Variants in SRGAP3 observed in about 807,000 individuals in gnomAD.
The protein encoded by SRGAP3 is SLIT-ROBO Rho GTPase activating protein 3.
In SRGAP3, 39 loss-of-function variants were observed where a neutral mutation model predicts 121.1. The ratio of observed to expected loss-of-function variants is 0.32; its 90% CI spans 0.25 to 0.42. SRGAP3 has a LOEUF of 0.42. Ranked by LOEUF, SRGAP3 falls within the 10% of genes least tolerant of loss-of-function variation. SRGAP3 has a pLI of 1.00. For missense variants in SRGAP3, 1,213 were observed against 1,470.6 expected (o/e 0.82, Z 2.86); for synonymous variants, 601 against 570.0 (o/e 1.05, Z -0.77).
chr3:9,229,704 TTCTA>T (rs1250207613), intron 1 of SRGAP3, among the ~76,000 whole-genome samples: 1 of 152,202 alleles, frequency 6.6e-6, no homozygotes, highest in African/African-American at 2.4e-5. Context: ...CCATTCATAT[TTCTA>T]TCTATTTATA....
At chr3:9,060,396 T>C in intron 5 of SRGAP3, 37 bp from the exon 6 acceptor site, 2 of 1,607,926 alleles carry the variant, frequency 1.2e-6, no homozygotes, top group Non-Finnish European at 1.7e-6. Flanking sequence ...GAGCAAGCCA[T>C]TTAAGAGGAC....
chr3:8,998,119 A>T (rs949015025), intron 18 of SRGAP3, among the ~76,000 whole-genome samples: 6 of 151,992 alleles, frequency 3.9e-5, no homozygotes, highest in African/African-American at 1.5e-4. Context: ...GAACTTCTGG[A>T]CTCGAGTGAT....
intron 3 of SRGAP3, among the ~76,000 whole-genome samples, chr3:9,101,795 C>T (rs766012774): frequency 6.6e-5 from 10 of 152,172 alleles, no homozygotes; most frequent in Non-Finnish European, 1.0e-4. Flanking sequence ...GAGTCCTGAT[C>T]ACTAACGATG....
chr3:9,255,153 A>C (rs1285553845), intron 3 of SRGAP3, among the ~76,000 whole-genome samples: 1 of 152,164 alleles, frequency 6.6e-6, no homozygotes, highest in African/African-American at 2.4e-5. Flanking sequence ...TGTGAATTTG[A>C]CCTCAACAAA....
chr3:9,100,734 G>A (rs762008362), intron 3 of SRGAP3, among the ~76,000 whole-genome samples: 3 of 152,198 alleles, frequency 2.0e-5, no homozygotes, highest in Non-Finnish European at 2.9e-5. Flanking sequence ...TCATCAAAGC[G>A]GCAAACACCA....
chr3:9,107,534 G>A (rs1948460975), intron 2 of SRGAP3, among the ~76,000 whole-genome samples: 2 of 152,156 alleles, frequency 1.3e-5, no homozygotes, highest in African/African-American at 4.8e-5. Flanking sequence ...ATTACTGTAG[G>A]TTCAGCTTAG....
In SRGAP3 at chr3:9,239,376, T is replaced by G. The variant is rs1953543721; in HGVS notation, c.67+9509A>C. On this transcript the variant is annotated intron_variant, in intron 1 of 21. Transcript: ENST00000383836. The surrounding 1 kb of genome is among the most constrained non-coding windows in gnomAD (Gnocchi z 4.0). ...GTCTGGGCAACAGAGCAAGACTCTG[T>G]CTCAAAAAAACAAAAGATAGAGATG... 3.3e-5 allele frequency among the ~76,000 whole-genome samples: 5 copies of G among 152,034 alleles called. No homozygotes were observed. The South Asian group carries it at 1.0e-3, about 32-fold the overall frequency.
At chr3:9,308,431 C>T (rs1213690210) in intron 3 of SRGAP3, among the ~76,000 whole-genome samples, 1 of 152,080 alleles carries the variant, frequency 6.6e-6, no homozygotes. Flanking sequence ...AGGCCAAGGA[C>T]AATAAAGAGC....
rs530166522 is a variant in SRGAP3 at position 9,258,912 on chromosome 3, G to C, written n.442+67098C>G. Among the ~76,000 whole-genome samples the C allele has an allele frequency of 2.3e-3, 355 of 152,260 alleles. 1 individual carries two copies. The highest frequency in any genetic ancestry group is 7.6e-3 in the African/African-American group (316 of 41,544). ...GAGTGAGCTTTTCACGTGTGAATCA[G>C]ATCATAATAATTTCCCGTGGGCAGC... On this transcript the variant is annotated intron_variant and non_coding_transcript_variant, in intron 3 of 3. Transcript: ENST00000490889.
At chr3:9,312,673 A>G (rs1029783109) in intron 3 of SRGAP3, among the ~76,000 whole-genome samples, 18 of 152,338 alleles carry the variant, frequency 1.2e-4, no homozygotes, top group African/African-American at 4.3e-4. Flanking sequence ...TCCTCAGCTG[A>G]GTAGCCAAAG....
At chr3:9,203,235 A>G (rs576653979) in intron 1 of SRGAP3, among the ~76,000 whole-genome samples, 1 of 152,128 alleles carries the variant, frequency 6.6e-6, no homozygotes, top group South Asian at 2.1e-4. Flanking sequence ...TGTCACTATG[A>G]CCAAAACAAT....
intron 1 of SRGAP3, among the ~76,000 whole-genome samples, chr3:9,236,675 A>G (rs965289709): frequency 6.6e-6 from 1 of 151,940 alleles, no homozygotes; most frequent in African/African-American, 2.4e-5. Flanking sequence ...TCTCCCCAGA[A>G]CCCAAGTAGA....
chr3:9,343,258 C>T (rs1360342380), intron 1 of SRGAP3, among the ~76,000 whole-genome samples: 2 of 152,178 alleles, frequency 1.3e-5, no homozygotes, highest in Non-Finnish European at 2.9e-5. Context: ...ATCATGCTGG[C>T]TCTTTGAAAG....
At chr3:9,266,666 G>A (rs6796745) in intron 3 of SRGAP3, among the ~76,000 whole-genome samples, 1,730 of 127,718 alleles carry the variant, frequency 0.014, 36 homozygotes, top group African/African-American at 0.042. Context: ...TTGGTTTTTG[G>A]GTTTTTTTTT....
intron 21 of SRGAP3, among the ~76,000 whole-genome samples, chr3:8,987,866 C>T (rs1367595189): frequency 6.6e-6 from 1 of 152,166 alleles, no homozygotes; most frequent in Non-Finnish European, 1.5e-5. Flanking sequence ...GCCGGCTTTC[C>T]TGGAGCCGAG....
At chr3:9,229,464 G>A (rs966455791) in intron 1 of SRGAP3, among the ~76,000 whole-genome samples, 2 of 152,180 alleles carry the variant, frequency 1.3e-5, no homozygotes, top group Non-Finnish European at 2.9e-5. Flanking sequence ...ACAGAGGCCG[G>A]CATGGCAACC....
chr3:9,209,068 G>A (rs1952356632), intron 1 of SRGAP3, among the ~76,000 whole-genome samples: 1 of 152,184 alleles, frequency 6.6e-6, no homozygotes, highest in African/African-American at 2.4e-5. Context: ...TCATCCAGAT[G>A]TTTGGTAGAT....
chr3:9,273,059 G>A (rs184200216), intron 3 of SRGAP3, among the ~76,000 whole-genome samples: 4 of 152,236 alleles, frequency 2.6e-5, no homozygotes, highest in South Asian at 2.1e-4. Context: ...TTCCAAGGAC[G>A]AGGTTGCAAG....
At chr3:9,310,625 T>C (rs533555338) in intron 3 of SRGAP3, among the ~76,000 whole-genome samples, 1 of 152,182 alleles carries the variant, frequency 6.6e-6, no homozygotes, top group South Asian at 2.1e-4. Flanking sequence ...GGAACTGCTA[T>C]AACCAGTTGA....
Sources: allele counts gnomAD v4.1 joint callset (sites outside exome capture counted in the v4.1 genomes callset), GRCh38; gene constraint gnomAD v4.1.1; non-coding constraint Gnocchi (gnomAD v3.1); transcripts MANE v1.5; gene names NCBI Gene and HGNC (gene_info 2026-07-23, HGNC 2026-07-21).